Variants in HECTD2 observed in about 807,000 individuals in gnomAD.
HECTD2 encodes probable E3 ubiquitin-protein ligase HECTD2.
In HECTD2, 35 loss-of-function variants were observed where a neutral mutation model predicts 103.2. That is an observed-to-expected ratio of 0.34 (90% confidence interval 0.26 to 0.45). The LOEUF is 0.45. HECTD2 is among the 20% of genes least tolerant of loss of function. The probability of loss-of-function intolerance (pLI) is 1.00; values close to 1 mark genes in which losing one functional copy is unlikely to be tolerated. For synonymous variants in HECTD2, 281 were observed against 329.9 expected (o/e 0.85, Z 1.61); for missense variants, 596 against 937.4 (o/e 0.64, Z 4.76).
intron 9 of HECTD2, 124 bp from the exon 10 acceptor site, chr10:91,485,056 A>C: frequency 3.3e-6 from 2 of 609,604 alleles, no homozygotes; most frequent in South Asian, 6.4e-5. Flanking sequence ...TTGGAGCTAC[A>C]TTTATTTAAA....
chr10:91,440,127 T>A, intron 2 of HECTD2, among the ~76,000 whole-genome samples: 1 of 152,018 alleles, frequency 6.6e-6, no homozygotes, highest in Non-Finnish European at 1.5e-5. Flanking sequence ...TGAATAAGAG[T>A]AGTGAGAGAG....
intron 2 of HECTD2, among the ~76,000 whole-genome samples, chr10:91,450,549 T>C (rs773025068): frequency 6.6e-6 from 1 of 151,984 alleles, no homozygotes; most frequent in Non-Finnish European, 1.5e-5. Context: ...CTAAAGAGCT[T>C]CTAAACAGTA....
At chr10:91,417,828 G>A (rs1021665781) in intron 1 of HECTD2, among the ~76,000 whole-genome samples, 30 of 151,308 alleles carry the variant, frequency 2.0e-4, no homozygotes, top group Admixed American at 4.0e-4. Flanking sequence ...ATAAACATAC[G>A]TGTGCATGTG....
rs34166692 is a variant in HECTD2, at chr10:91,514,517, CTTT to C, written c.*2138_*2140del. On this transcript the variant is annotated 3_prime_UTR_variant, in exon 21 of 21. Coordinates refer to ENST00000298068, the MANE Select transcript of HECTD2 (RefSeq NM_182765.6). ...AAAAGCTAGAAAATTCATGTAGTTA[CTTT>C]TTTTACATATATAATCTGTTAATGA... 5 of 152,474 alleles carry C rather than the reference CTTT, an allele frequency of 3.3e-5. No homozygotes were observed. Among genetic ancestry groups the C allele is most frequent in the African/African-American group, 1.2e-4 (5 of 41,416 alleles). 9.4% of individuals were successfully genotyped at this position (152,474 alleles called of 1,614,324 possible).
At chr10:91,417,367 C>CT (rs1019229617) in intron 1 of HECTD2, among the ~76,000 whole-genome samples, 9 of 151,374 alleles carry the variant, frequency 5.9e-5, no homozygotes, top group Admixed American at 5.3e-4. Context: ...TATTCATTTA[C>CT]TTTTTTCTTT....
intron 20 of HECTD2, among the ~76,000 whole-genome samples, chr10:91,507,932 C>G (rs1206388590): frequency 1.4e-5 from 2 of 138,484 alleles, no homozygotes; most frequent in African/African-American, 3.4e-5. Flanking sequence ...AGATATAGAT[C>G]AGTGGAACAG....
intron 14 of HECTD2, among the ~76,000 whole-genome samples, chr10:91,493,803 A>G (rs1162442613): frequency 1.3e-5 from 2 of 152,022 alleles, no homozygotes; most frequent in Non-Finnish European, 2.9e-5. Flanking sequence ...TTTAAAAAAA[A>G]TCAAAGTATT....
chr10:91,429,365 T>C (rs1843731003), intron 2 of HECTD2, among the ~76,000 whole-genome samples: 1 of 152,184 alleles, frequency 6.6e-6, no homozygotes, highest in Non-Finnish European at 1.5e-5. Context: ...TCTGCCCGGC[T>C]TTGGTATCAG....
intron 7 of HECTD2, among the ~76,000 whole-genome samples, chr10:91,482,247 C>T (rs1846114752): frequency 6.6e-6 from 1 of 151,700 alleles, no homozygotes; most frequent in South Asian, 2.1e-4. Context: ...ACATGGTGCT[C>T]TCTTATTTTT....
At chr10:91,494,402 A>C (rs985934098) in intron 14 of HECTD2, among the ~76,000 whole-genome samples, 2 of 152,068 alleles carry the variant, frequency 1.3e-5, no homozygotes, top group African/African-American at 2.4e-5. Context: ...GGTGAGAATA[A>C]AAAAGGCTAA....
At chr10:91,456,065 TG>T (rs1845075322) in intron 2 of HECTD2, among the ~76,000 whole-genome samples, 2 of 152,230 alleles carry the variant, frequency 1.3e-5, no homozygotes, top group Non-Finnish European at 2.9e-5. Flanking sequence ...GGCTGTTTTT[TG>T]GTTCCATATG....
intron 2 of HECTD2, among the ~76,000 whole-genome samples, chr10:91,456,031 G>A (rs1278059869): frequency 1.3e-5 from 2 of 152,054 alleles, no homozygotes; most frequent in East Asian, 1.9e-4. Flanking sequence ...TGTTCTTTTG[G>A]CTTAGGATTG....
At chr10:91,458,300 A>G (rs145770948) in intron 2 of HECTD2, among the ~76,000 whole-genome samples, 37 of 152,130 alleles carry the variant, frequency 2.4e-4, no homozygotes, top group African/African-American at 8.4e-4. Flanking sequence ...GTGTAAAGGC[A>G]TACTGTGTTC....
rs945002557 is a variant in HECTD2 at position 91,430,881 on chromosome 10, T to G, written c.268+5471T>G. ...ATTGGAGCATTTAGTCTATTTACAT[T>G]TAAAGTTAATATCATTATGTGTGAA... is the stretch of plus-strand genomic sequence containing the variant. On this transcript the variant is annotated intron_variant, in intron 2 of 20. Transcript: ENST00000298068. Among the ~76,000 whole-genome samples, 40 of 151,902 alleles carry G rather than the reference T, an allele frequency of 2.6e-4. 2 individuals are homozygous for G. The highest frequency in any genetic ancestry group is 9.5e-4 in the African/African-American group (39 of 41,198).
At chr10:91,428,830 C>T (rs1190851141) in intron 2 of HECTD2, among the ~76,000 whole-genome samples, 1 of 151,966 alleles carries the variant, frequency 6.6e-6, no homozygotes, top group South Asian at 2.1e-4. Flanking sequence ...CAAACAGGGA[C>T]AATTCGACTT....
intron 2 of HECTD2, among the ~76,000 whole-genome samples, chr10:91,429,961 C>T (rs1389901502): frequency 2.0e-5 from 3 of 152,028 alleles, no homozygotes; most frequent in East Asian, 1.9e-4. Flanking sequence ...GTTCTTTTAA[C>T]TGTGATGTTA....
At position 91,425,404 on chromosome 10, in the gene HECTD2, A is replaced by G; in HGVS notation, c.262A>G (p.Lys88Glu). The G allele has an allele frequency of 6.5e-7, 1 of 1,526,946 alleles. No individual in the cohort carries two copies. The highest frequency in any genetic ancestry group is 8.8e-7 in the Non-Finnish European group (1 of 1,134,896). 94.6% of individuals were successfully genotyped at this position (1,526,946 alleles called of 1,614,324 possible). A position where few individuals can be genotyped will look rare whatever the true frequency, so the allele number is the denominator to read the frequency against. Residue 88 changes from lysine (K) to glutamate (E), a missense_variant, in exon 2 of 21, where the codon AAG (lysine) becomes GAG (glutamate). By Grantham distance (56) the Lys-to-Glu change is moderately conservative. Around this residue, in one of 4 missense-constraint regions of HECTD2, gnomAD observed 220 missense variants for 233.9 expected, o/e 0.94. Transcript: ENST00000298068. Reference protein sequence around the residue: ...SPAHLVFPNIKNVREPPPICL... With the variant: ...SPAHLVFPNIENVREPPPICL... The stretch of plus-strand genomic sequence containing the variant: ...TGCACATCTTGTTTTCCCTAACATC[A>G]AGAATGGTAAATAATTTTTAAATAT...
intron 11 of HECTD2, chr10:91,488,284 C>T (rs1385647454): frequency 6.5e-6 from 1 of 152,904 alleles, no homozygotes; most frequent in Non-Finnish European, 1.5e-5. Context: ...CTTAGGAAAC[C>T]AAAATGCATG....
chr10:91,440,180 GC>G (rs112003082), intron 2 of HECTD2, among the ~76,000 whole-genome samples: 10,061 of 152,120 alleles, frequency 0.066, 896 homozygotes, highest in African/African-American at 0.2. Context: ...AATGCTTCCA[GC>G]TTTTGCCCAT....
Sources: allele counts gnomAD v4.1 joint callset (sites outside exome capture counted in the v4.1 genomes callset), GRCh38; gene constraint gnomAD v4.1.1; regional missense constraint gnomAD v4.1.1; transcripts MANE v1.5; gene names NCBI Gene and HGNC (gene_info 2026-07-23, HGNC 2026-07-21).